Variants in ARL10 observed in about 807,000 individuals in gnomAD.
The protein encoded by ARL10 is ADP-ribosylation factor-like protein 10.
A neutral mutation model predicts 26.1 loss-of-function variants in ARL10; 23 were observed. The ratio of observed to expected loss-of-function variants is 0.88; its 90% CI spans 0.63 to 1.25. ARL10 has a LOEUF of 1.25. Ranked by LOEUF, ARL10 falls within the 50% of genes most tolerant of loss-of-function variation. The pLI is 0.00. For missense variants in ARL10, 300 were observed against 323.6 expected (o/e 0.93, Z 0.56); for synonymous variants, 138 against 149.1 (o/e 0.93, Z 0.54).
intron 1 of ARL10, among the ~76,000 whole-genome samples, chr5:176,399,517 G>T (rs1230026777): frequency 6.6e-6 from 1 of 152,206 alleles, no homozygotes; most frequent in Non-Finnish European, 1.5e-5. Flanking sequence ...CAAGGCAGGA[G>T]GATCACTTGA....
At chr5:176,413,648 C>G in the ARL10 span, among the ~76,000 whole-genome samples, 1 of 152,230 alleles carries the variant, frequency 6.6e-6, no homozygotes, top group East Asian at 1.9e-4. Context: ...CAGCTTTTGC[C>G]CAGCTCTCAG....
chr5:176,395,684 C>T (rs1756487409), intron 1 of ARL10, among the ~76,000 whole-genome samples: 1 of 152,106 alleles, frequency 6.6e-6, no homozygotes, highest in African/African-American at 2.4e-5. Context: ...AGACCCCAAA[C>T]CTGAAACATG....
downstream of ARL10, chr5:176,406,799 C>G (rs1195423377): frequency 1.9e-6 from 2 of 1,037,696 alleles, no homozygotes; most frequent in African/African-American, 3.4e-5. Context: ...TCTCCTCCCC[C>G]TGCAGGTGCA....
In ARL10 at chr5:176,366,524, TG is replaced by T; in HGVS notation, c.332del (p.Gly111AlafsTer17). 6.2e-7 allele frequency: 1 copy of T among 1,614,118 alleles called. No homozygotes were observed. The highest frequency in any genetic ancestry group is 1.1e-5 in the South Asian group (1 of 91,086). On this transcript the variant is annotated frameshift_variant, in exon 2 of 4. Transcript: ENST00000310389. LOFTEE classifies it high-confidence loss of function. ...KPPLEGHIPTWGFNSVRLPTK... is the reference protein window; with the variant it reads ...KPPLEGHIPTXGFNSVRLPTK... The stretch of plus-strand genomic sequence containing the variant: ...ACCGCTGGAAGGCCACATCCCCACC[TG>T]GGGCTTCAACTCCGTGCGTCTGCCC...
chr5:176,402,030 C>T (rs1452603611), downstream of ARL10, among the ~76,000 whole-genome samples: 7 of 152,242 alleles, frequency 4.6e-5, no homozygotes, highest in African/African-American at 1.7e-4. Context: ...CAGCCGGGCA[C>T]GGTGGCTCGC....
Position 176,380,551 on chromosome 5 carries a change from A to G in ARL10, c.*8656A>G, listed in dbSNP as rs942979674. 1.4e-5 allele frequency: 2 copies of G among 142,098 alleles called. No homozygotes were observed. The highest frequency in any genetic ancestry group is 1.6e-4 in the Admixed American group (2 of 12,868). 8.8% of individuals were successfully genotyped at this position (142,098 alleles called of 1,614,324 possible). ...TAGCGCAATGGCACGATCTCAGCTC[A>G]CTGCAACCTCCGCCTCCCAGGTTCA... On this transcript the variant is annotated 3_prime_UTR_variant, in exon 4 of 4. Coordinates refer to ENST00000310389, the MANE Select transcript of ARL10 (RefSeq NM_173664.6).
At chr5:176,412,962 C>T in the ARL10 span, among the ~76,000 whole-genome samples, 6 of 152,164 alleles carry the variant, frequency 3.9e-5, no homozygotes, top group African/African-American at 1.4e-4. Context: ...CACCCTACTC[C>T]GCCCTGACCA....
chr5:176,410,717 C>T, the ARL10 span, among the ~76,000 whole-genome samples: 1 of 152,158 alleles, frequency 6.6e-6, no homozygotes, highest in Non-Finnish European at 1.5e-5. Flanking sequence ...GCTGTAAGCT[C>T]AGGGCAGGGG....
At position 176,368,602 on chromosome 5, in the gene ARL10, G is replaced by A. The variant is rs1418781973; in HGVS notation, c.386-205G>A. Among the ~76,000 whole-genome samples the A allele has an allele frequency of 6.6e-6, 1 of 151,926 alleles. No individual in the cohort carries two copies. Among genetic ancestry groups the A allele is most frequent in the Non-Finnish European group, 1.5e-5 (1 of 67,974 alleles). ...AGCTAAATCCAGTCTGAGTAGCTGCGGAAACTGCGGTCTTTTCCTTGCCCC... is the reference window on the plus strand; with the variant it reads ...AGCTAAATCCAGTCTGAGTAGCTGCAGAAACTGCGGTCTTTTCCTTGCCCC... On this transcript the variant is annotated intron_variant, in intron 2 of 3. Transcript: ENST00000310389. The surrounding 1 kb of genome is among the most constrained non-coding windows in gnomAD (Gnocchi z 4.1).
rs1768408714 is a variant in ARL10, at chr5:176,368,567, TC to T, written c.386-239del. On this transcript the variant is annotated intron_variant, in intron 2 of 3. Coordinates refer to ENST00000310389, the MANE Select transcript of ARL10 (RefSeq NM_173664.6). The surrounding 1 kb of genome is among the most constrained non-coding windows in gnomAD (Gnocchi z 4.1). ...GGACTTGCCCCAAGAGACCCGCCTA[TC>T]AGAGCTAGAGCTAAATCCAGTCTGA... 1.3e-5 allele frequency among the ~76,000 whole-genome samples: 2 copies of T among 152,028 alleles called. No individual in the cohort carries two copies. Among genetic ancestry groups the T allele is most frequent in the African/African-American group, 4.8e-5 (2 of 41,372 alleles).
chr5:176,386,923 A>C (rs985311982), intron 1 of ARL10: 1 of 1,612,530 alleles, frequency 6.2e-7, no homozygotes, highest in African/African-American at 1.3e-5. Flanking sequence ...CAGAGAACAG[A>C]GCCCTTGAGA....
the ARL10 span, among the ~76,000 whole-genome samples, chr5:176,409,407 T>A: frequency 2.5e-5 from 1 of 40,440 alleles, no homozygotes; most frequent in African/African-American, 1.3e-4. Context: ...CTGATTGCCC[T>A]TTTTTTTTTT....
downstream of ARL10, chr5:176,392,968 C>G: frequency 6.2e-7 from 1 of 1,613,804 alleles, no homozygotes; most frequent in East Asian, 2.2e-5. This position sits in a 1 kb window ranked among gnomAD's most constrained non-coding sequence, Gnocchi z 5.2. Flanking sequence ...ATAGGACGGG[C>G]TTTTATAGCA....
At chr5:176,392,812 C>A (rs1756318086), downstream of ARL10, 1 of 1,614,236 alleles carries the variant, frequency 6.2e-7, no homozygotes, top group South Asian at 1.1e-5. This position sits in a 1 kb window ranked among gnomAD's most constrained non-coding sequence, Gnocchi z 5.2. Context: ...GACATGAGCA[C>A]CGAGCGCAGG....
At chr5:176,388,277 C>T (rs1227086260) in intron 1 of ARL10, 1 of 1,614,016 alleles carries the variant, frequency 6.2e-7, no homozygotes, top group African/African-American at 1.3e-5. Flanking sequence ...GGTCCACAGC[C>T]AACCCCATCT....
At chr5:176,394,886 C>T (rs544622177) in intron 1 of ARL10, among the ~76,000 whole-genome samples, 7 of 152,236 alleles carry the variant, frequency 4.6e-5, no homozygotes, top group Non-Finnish European at 8.8e-5. Context: ...GCTCTCTGGG[C>T]CATTTCCTCA....
intron 1 of ARL10, chr5:176,396,406 C>G: frequency 7.7e-7 from 1 of 1,303,318 alleles, no homozygotes; most frequent in South Asian, 1.2e-5. Flanking sequence ...ATCCCACAAG[C>G]AGGAAACTCA....
At chr5:176,371,655 AACG>A in intron 3 of ARL10, 64 bp from the exon 4 acceptor site, 1 of 1,398,532 alleles carries the variant, frequency 7.2e-7, no homozygotes, top group Non-Finnish European at 1.0e-6. Flanking sequence ...GTGTTTCATG[AACG>A]ACAAGGGTGT....
Position 176,372,661 on chromosome 5 carries a change from T to G in ARL10, c.*766T>G, listed in dbSNP as rs143670313. On this transcript the variant is annotated 3_prime_UTR_variant, in exon 4 of 4. Transcript: ENST00000310389. ...AAGTGAAGGCTGGGTTTTTCCCCTC[T>G]AATCTGGAGACAAGCTGCTGCTCTC... The G allele has an allele frequency of 4.2e-4, 154 of 369,128 alleles. No homozygotes were observed. The highest frequency in any genetic ancestry group is 3.0e-3 in the African/African-American group (144 of 48,210). The allele number at this position is 369,128 out of a possible 1,614,324, so 22.9% of individuals were successfully genotyped here. A position where few individuals can be genotyped will look rare whatever the true frequency, so the allele number is the denominator to read the frequency against.
Sources: gnomAD v4.1 joint callset for allele counts (sites outside exome capture counted in the v4.1 genomes callset) on GRCh38, gnomAD v4.1.1 for gene constraint, Gnocchi (gnomAD v3.1) non-coding constraint, MANE v1.5 for transcripts, NCBI Gene and HGNC (gene_info 2026-07-23, HGNC 2026-07-21) for gene names.